TEKT5: variants seen among roughly 807,000 people sequenced by gnomAD.
TEKT5 encodes the protein tektin-5.
Under a neutral mutation model 48.7 loss-of-function variants are expected in TEKT5, and 52 were observed. The observed-to-expected ratio is 1.07, with a 90% confidence interval of 0.86 to 1.35. The LOEUF (loss-of-function observed/expected upper bound fraction) is 1.35, where lower values mean the gene tolerates loss of function less well. Ranked by LOEUF, TEKT5 falls within the 40% of genes most tolerant of loss-of-function variation. The pLI is 0.00. For missense variants in TEKT5, 831 were observed against 641.6 expected, an observed-to-expected ratio of 1.30 and a Z score of -3.19; for synonymous variants, 318 against 267.6, an observed-to-expected ratio of 1.19 and a Z score of -1.84.
intron 3 of TEKT5, among the ~76,000 whole-genome samples, chr16:10,686,796 C>T (rs761621375): frequency 9.9e-5 from 15 of 152,108 alleles, no homozygotes; most frequent in Admixed American, 2.0e-4. Flanking sequence ...AAAGTTATTG[C>T]GGCACAATTT....
chr16:10,651,515 G>A (rs1371328891), intron 5 of TEKT5, among the ~76,000 whole-genome samples: 1 of 152,206 alleles, frequency 6.6e-6, no homozygotes, highest in Non-Finnish European at 1.5e-5. Flanking sequence ...TAATAATGAT[G>A]ATGATAATAA....
intron 5 of TEKT5, among the ~76,000 whole-genome samples, chr16:10,674,037 T>C (rs1898597335): frequency 6.6e-6 from 1 of 152,084 alleles, no homozygotes; most frequent in South Asian, 2.1e-4. Context: ...ATCCAAACAC[T>C]GTCCTGCTTA....
intron 6 of TEKT5, among the ~76,000 whole-genome samples, chr16:10,630,404 T>TA (rs971127754): frequency 1.0e-4 from 15 of 149,050 alleles, no homozygotes; most frequent in Non-Finnish European, 1.9e-4. Flanking sequence ...CCTGGCTAAT[T>TA]AAAAAAAAAA....
intron 5 of TEKT5, among the ~76,000 whole-genome samples, chr16:10,650,182 C>T (rs1227227075): frequency 6.6e-6 from 1 of 152,170 alleles, no homozygotes; most frequent in African/African-American, 2.4e-5. Context: ...AGCAATTCTC[C>T]TGCCTCTGGG....
At chr16:10,658,235 C>G (rs1898296563) in intron 5 of TEKT5, among the ~76,000 whole-genome samples, 1 of 152,082 alleles carries the variant, frequency 6.6e-6, no homozygotes, top group African/African-American at 2.4e-5. Context: ...GAAGATACAC[C>G]CACTCTATGA....
At chr16:10,637,300 T>C (rs992198392) in intron 5 of TEKT5, among the ~76,000 whole-genome samples, 7 of 150,276 alleles carry the variant, frequency 4.7e-5, no homozygotes, top group African/African-American at 1.7e-4. Context: ...CCTCCCAAAG[T>C]GCTGGGATTA....
chr16:10,676,451 C>A (rs1406947811), intron 4 of TEKT5, among the ~76,000 whole-genome samples: 1 of 152,142 alleles, frequency 6.6e-6, no homozygotes, highest in African/African-American at 2.4e-5. Flanking sequence ...TGTTGAGAAC[C>A]ACTGTCCTGA....
chr16:10,684,102 GA>G (rs34553064), intron 3 of TEKT5, among the ~76,000 whole-genome samples: 66,838 of 151,224 alleles, frequency 0.44, 15,558 homozygotes, highest in East Asian at 0.79. Context: ...CCTGTTGGCT[GA>G]AAAAAAAAGA....
intron 6 of TEKT5, among the ~76,000 whole-genome samples, chr16:10,634,323 C>T (rs1311746587): frequency 6.6e-6 from 1 of 152,102 alleles, no homozygotes; most frequent in Admixed American, 6.5e-5. Context: ...AATAATATGC[C>T]CAAGGAAGCC....
rs994290256 is a variant in TEKT5, at chr16:10,650,860, G to C, written c.1087-14942C>G. 2.0e-5 allele frequency among the ~76,000 whole-genome samples: 3 copies of C among 151,188 alleles called. No homozygotes were observed. The Admixed American group carries it at 2.0e-4, about 10-fold the overall frequency. On this transcript the variant is annotated intron_variant, in intron 5 of 6. Transcript: ENST00000283025. ...AGATTGTGGCATTGCATTTCAGCCT[G>C]GGTGACAGAGTAAGACTCCATCTAA... is the stretch of plus-strand genomic sequence containing the variant.
Position 10,678,043 on chromosome 16 carries a change from C to T in TEKT5, c.864-1862G>A, listed in dbSNP as rs147755198. On this transcript the variant is annotated intron_variant, in intron 4 of 6. Transcript: ENST00000283025. ...TCCTGGCAGAGCATGTAAATCCCTG[C>T]AACAAGCAACCAATGGACTATGTGG... is the stretch of plus-strand genomic sequence containing the variant. Among the ~76,000 whole-genome samples, 49 of 152,264 alleles carry T rather than the reference C, an allele frequency of 3.2e-4. No homozygotes were observed. The East Asian group carries it at 7.9e-3, about 25-fold the overall frequency.
At chr16:10,630,520 A>C (rs933332448) in intron 6 of TEKT5, among the ~76,000 whole-genome samples, 6 of 152,192 alleles carry the variant, frequency 3.9e-5, no homozygotes, top group African/African-American at 1.4e-4. Flanking sequence ...CTTTGAGCAG[A>C]GAAGAAAGAT....
chr16:10,652,625 C>G (rs1898180592), intron 5 of TEKT5, among the ~76,000 whole-genome samples: 1 of 106,942 alleles, frequency 9.4e-6, no homozygotes, highest in Non-Finnish European at 1.8e-5. Flanking sequence ...CACACACACA[C>G]ACACACACAC....
intron 1 of TEKT5, 190 bp from the exon 2 acceptor site, chr16:10,690,215 G>T: frequency 1.7e-6 from 1 of 599,854 alleles, no homozygotes; most frequent in Non-Finnish European, 2.9e-6. Flanking sequence ...GCTGTGGGTT[G>T]TCATATGACC....
intron 5 of TEKT5, among the ~76,000 whole-genome samples, chr16:10,645,912 G>A (rs997326697): frequency 1.3e-5 from 2 of 151,930 alleles, no homozygotes; most frequent in Non-Finnish European, 2.9e-5. Context: ...TGGGAGGATC[G>A]CTTGAGCCAA....
chr16:10,627,883 C>G, intron 6 of TEKT5, 84 bp from the exon 7 acceptor site: 1 of 1,349,244 alleles, frequency 7.4e-7, no homozygotes, highest in South Asian at 1.4e-5. Context: ...CACTCTGTCA[C>G]CCAGGCTGGA....
intron 5 of TEKT5, among the ~76,000 whole-genome samples, chr16:10,656,198 C>A (rs1898258842): frequency 2.0e-5 from 3 of 152,190 alleles, no homozygotes; most frequent in Admixed American, 1.3e-4. Context: ...ACGTTGCCAA[C>A]TACCCCCTAG....
At chr16:10,691,980 G>A (rs1898988399) in intron 1 of TEKT5, among the ~76,000 whole-genome samples, 1 of 151,638 alleles carries the variant, frequency 6.6e-6, no homozygotes, top group Non-Finnish European at 1.5e-5. Flanking sequence ...TTAATTTCTG[G>A]GAGGCCATCA....
intron 1 of TEKT5, chr16:10,691,431 T>A (rs1454622753): frequency 1.3e-5 from 2 of 152,434 alleles, no homozygotes; most frequent in East Asian, 3.9e-4. Context: ...AGCGGAGTGG[T>A]CAGGGAGGAA....
Sources: gnomAD v4.1 joint callset for allele counts (sites outside exome capture counted in the v4.1 genomes callset) on GRCh38, gnomAD v4.1.1 for gene constraint, MANE v1.5 for transcripts, NCBI Gene and HGNC (gene_info 2026-07-23, HGNC 2026-07-21) for gene names.